Variants in MAML3 observed in about 807,000 individuals in gnomAD.
The protein encoded by MAML3 is mastermind-like protein 3.
A neutral mutation model predicts 101.9 loss-of-function variants in MAML3; 27 were observed. That is an observed-to-expected ratio of 0.27 (90% CI 0.20 to 0.37). The LOEUF (loss-of-function observed/expected upper bound fraction) is 0.37. Ranked by LOEUF, MAML3 falls within the 10% of genes least tolerant of loss-of-function variation. MAML3 has a pLI of 1.00. For missense variants in MAML3, 1,316 were observed against 1,444.9 expected (o/e 0.91, Z 1.45); for synonymous variants, 501 against 555.9 (o/e 0.90, Z 1.39).
At chr4:140,038,989 T>C (rs1294163914) in intron 1 of MAML3, among the ~76,000 whole-genome samples, 4 of 151,958 alleles carry the variant, frequency 2.6e-5, no homozygotes, top group African/African-American at 7.2e-5. Context: ...TGTGGCAGCA[T>C]GCGCCTATGA....
At chr4:139,957,473 C>T (rs1003380795) in intron 1 of MAML3, among the ~76,000 whole-genome samples, 7 of 152,180 alleles carry the variant, frequency 4.6e-5, no homozygotes, top group African/African-American at 1.4e-4. Context: ...GACCATGGGA[C>T]GTATTTAGAA....
At chr4:139,722,879 G>A (rs539037035) in intron 4 of MAML3, among the ~76,000 whole-genome samples, 2 of 152,316 alleles carry the variant, frequency 1.3e-5, no homozygotes, top group East Asian at 3.9e-4. Flanking sequence ...GTAAACACAT[G>A]AAAATACTGA....
chr4:139,802,288 G>A (rs895515937), intron 2 of MAML3, among the ~76,000 whole-genome samples: 4 of 152,082 alleles, frequency 2.6e-5, no homozygotes, highest in Admixed American at 1.3e-4. Context: ...ATCTTCCAAC[G>A]TGCACCTCTC....
At chr4:139,847,468 G>A (rs1731470723) in intron 2 of MAML3, among the ~76,000 whole-genome samples, 1 of 152,168 alleles carries the variant, frequency 6.6e-6, no homozygotes. Flanking sequence ...AAACACTTGG[G>A]ACCGCTCAGT....
chr4:140,056,510 T>G (rs761376662), intron 1 of MAML3, among the ~76,000 whole-genome samples: 2 of 151,794 alleles, frequency 1.3e-5, no homozygotes, highest in Non-Finnish European at 2.9e-5. Context: ...CCTAGAGTCA[T>G]TAAGAAAAGG....
chr4:139,835,284 A>G (rs1731238989), intron 2 of MAML3, among the ~76,000 whole-genome samples: 2 of 152,218 alleles, frequency 1.3e-5, no homozygotes, highest in Non-Finnish European at 2.9e-5. Flanking sequence ...GTTGGTAGTG[A>G]ATGAGTTTTA....
chr4:139,772,923 A>G (rs1032407908), intron 2 of MAML3, among the ~76,000 whole-genome samples: 9 of 151,824 alleles, frequency 5.9e-5, no homozygotes, highest in Non-Finnish European at 1.3e-4. Flanking sequence ...ACTTAAAAAA[A>G]AAAAAAAGAA....
intron 2 of MAML3, among the ~76,000 whole-genome samples, chr4:139,760,596 C>A (rs61473137): frequency 0.11 from 16,751 of 152,188 alleles, 1,046 homozygotes; most frequent in African/African-American, 0.17. Flanking sequence ...AACACCAAGG[C>A]GCTTCATTGC....
chr4:139,881,911 G>C (rs1732228088), intron 2 of MAML3, among the ~76,000 whole-genome samples: 1 of 152,058 alleles, frequency 6.6e-6, no homozygotes, highest in South Asian at 2.1e-4. Flanking sequence ...ATATTGGCCA[G>C]GATGGTCTCA....
At chr4:140,116,225 A>G (rs1423752453) in intron 1 of MAML3, among the ~76,000 whole-genome samples, 1 of 152,212 alleles carries the variant, frequency 6.6e-6, no homozygotes, top group African/African-American at 2.4e-5. Context: ...ACCACAAATT[A>G]TTAACATCTG....
intron 2 of MAML3, among the ~76,000 whole-genome samples, chr4:139,849,131 T>C (rs183077259): frequency 6.6e-5 from 10 of 152,340 alleles, no homozygotes; most frequent in Admixed American, 6.5e-4. Flanking sequence ...CATCATCTTT[T>C]TTCAAATGGA....
rs1726397532 is a variant in MAML3 at position 140,004,218 on chromosome 4, A to G, written c.469-113251T>C. ...TAACAATGGCACAGAAGGCACTGGCAGTTCTCTCAATATTCTCACCCCAGA... is the reference window on the plus strand; with the variant it reads ...TAACAATGGCACAGAAGGCACTGGCGGTTCTCTCAATATTCTCACCCCAGA... On this transcript the variant is annotated intron_variant, in intron 1 of 4. Transcript: ENST00000509479. Among the ~76,000 whole-genome samples the G allele has an allele frequency of 2.0e-5, 3 of 152,204 alleles. No individual in the cohort carries two copies. In the South Asian group the frequency reaches 6.2e-4, roughly 32 times the overall value.
rs1247209271 is a variant in MAML3, at chr4:140,053,760, C to T, written c.468+99100G>A. Reference sequence around the variant, plus strand: ...CACATTTCTACAAATTTTTGGTTGGCAAAATTCAAAACTTTATTTCTGGAC... The same window carrying T: ...CACATTTCTACAAATTTTTGGTTGGTAAAATTCAAAACTTTATTTCTGGAC... On this transcript the variant is annotated intron_variant, in intron 1 of 4. Coordinates refer to ENST00000509479, the MANE Select transcript of MAML3 (RefSeq NM_018717.5). Among the ~76,000 whole-genome samples the T allele has an allele frequency of 6.6e-5, 10 of 152,254 alleles. 1 individual carries two copies. The South Asian group carries it at 1.7e-3, about 25-fold the overall frequency.
At chr4:139,925,367 T>TTACAG (rs1733200860) in intron 1 of MAML3, among the ~76,000 whole-genome samples, 1 of 152,152 alleles carries the variant, frequency 6.6e-6, no homozygotes, top group South Asian at 2.1e-4. Context: ...GTAGCTGAGA[T>TTACAG]TACAGGCGCC....
chr4:140,056,948 CAG>C (rs1727359601), intron 1 of MAML3, among the ~76,000 whole-genome samples: 1 of 152,194 alleles, frequency 6.6e-6, no homozygotes, highest in South Asian at 2.1e-4. Flanking sequence ...ATTATCCCAA[CAG>C]TCCTATTACA....
chr4:139,786,495 T>C (rs1277213246), intron 2 of MAML3, among the ~76,000 whole-genome samples: 2 of 152,234 alleles, frequency 1.3e-5, no homozygotes, highest in Non-Finnish European at 2.9e-5. Context: ...GGTTGTTTTC[T>C]GTTGGCTAAA....
At chr4:140,017,370 C>T (rs996268873) in intron 1 of MAML3, among the ~76,000 whole-genome samples, 1 of 151,830 alleles carries the variant, frequency 6.6e-6, no homozygotes, top group African/African-American at 2.4e-5. Context: ...AATAATACAG[C>T]CCCTGTTGAA....
At chr4:139,994,224 C>A (rs2110832766) in intron 1 of MAML3, among the ~76,000 whole-genome samples, 1 of 152,280 alleles carries the variant, frequency 6.6e-6, no homozygotes, top group Admixed American at 6.5e-5. Context: ...TTACTAAGAT[C>A]TTTTATTTCT....
chr4:140,124,752 TA>T (rs377006672), intron 1 of MAML3, among the ~76,000 whole-genome samples: 29 of 152,214 alleles, frequency 1.9e-4, no homozygotes, highest in African/African-American at 6.8e-4. Context: ...CTTTAGCTGG[TA>T]AACTGCTAGA....
Sources: allele counts gnomAD v4.1 joint callset (sites outside exome capture counted in the v4.1 genomes callset), GRCh38; gene constraint gnomAD v4.1.1; transcripts MANE v1.5; gene names NCBI Gene and HGNC (gene_info 2026-07-23, HGNC 2026-07-21).